Variants in ITGB6 observed in about 807,000 individuals in gnomAD.
ITGB6 encodes integrin beta-6.
ITGB6 carries 80 observed loss-of-function variants against 84.5 expected under a neutral mutation model. That is an observed-to-expected ratio of 0.95 (90% confidence interval 0.79 to 1.14). ITGB6 has a LOEUF of 1.14. Ranked by LOEUF, ITGB6 falls within the 50% of genes most tolerant of loss-of-function variation. ITGB6 has a pLI of 0.00. For synonymous variants in ITGB6, 383 were observed against 354.9 expected, an observed-to-expected ratio of 1.08 and a Z score of -0.89; for missense variants, 1,006 against 968.0, an observed-to-expected ratio of 1.04 and a Z score of -0.52.
intron 12 of ITGB6, among the ~76,000 whole-genome samples, chr2:160,118,770 C>T (rs979501261): frequency 2.6e-5 from 4 of 151,048 alleles, no homozygotes; most frequent in Admixed American, 6.6e-5. Context: ...AAAACCCCAT[C>T]ATCTCAGCCC....
chr2:160,135,255 C>G (rs192930619), intron 10 of ITGB6, among the ~76,000 whole-genome samples: 1 of 152,238 alleles, frequency 6.6e-6, no homozygotes, highest in East Asian at 1.9e-4. Flanking sequence ...TTCTTATACA[C>G]TAATAACAGA....
At chr2:160,132,181 T>C (rs1683495760) in intron 10 of ITGB6, among the ~76,000 whole-genome samples, 2 of 152,154 alleles carry the variant, frequency 1.3e-5, no homozygotes, top group Non-Finnish European at 2.9e-5. Flanking sequence ...TCTTGTCACC[T>C]TCAGATTGTG....
At chr2:160,141,055 G>A (rs61253956) in intron 8 of ITGB6, among the ~76,000 whole-genome samples, 11,283 of 152,092 alleles carry the variant, frequency 0.074, 1,307 homozygotes, top group African/African-American at 0.25. Flanking sequence ...AAATGTTGGC[G>A]TATATTACAG....
intron 7 of ITGB6, among the ~76,000 whole-genome samples, chr2:160,163,083 A>C (rs562579162): frequency 6.8e-4 from 103 of 152,296 alleles, no homozygotes; most frequent in African/African-American, 2.4e-3. Context: ...GACCCAATGC[A>C]TAGTGTTCCC....
chr2:160,182,223 T>C (rs1029994438), intron 4 of ITGB6, among the ~76,000 whole-genome samples: 1 of 152,008 alleles, frequency 6.6e-6, no homozygotes, highest in Non-Finnish European at 1.5e-5. Context: ...TCTAACCCAA[T>C]GCAAGGAAGC....
intron 13 of ITGB6, among the ~76,000 whole-genome samples, chr2:160,111,723 G>A (rs575970512): frequency 6.6e-6 from 1 of 151,456 alleles, no homozygotes; most frequent in African/African-American, 2.4e-5. Context: ...GGGATTATAG[G>A]TGCAGGCCAC....
chr2:160,110,895 G>A (rs1280022255), intron 13 of ITGB6, among the ~76,000 whole-genome samples: 1 of 152,186 alleles, frequency 6.6e-6, no homozygotes, highest in Non-Finnish European at 1.5e-5. Flanking sequence ...ATTTGTTGAG[G>A]AAGAGGGAGC....
At position 160,137,967 on chromosome 2, in the gene ITGB6, C is replaced by G. The variant is rs148030665; in HGVS notation, c.1242+98G>C. 5.7e-3 allele frequency: 8,700 copies of G among 1,529,764 alleles called. 35 individuals carry two copies. The highest frequency in any genetic ancestry group is 7.0e-3 in the Non-Finnish European group (7,966 of 1,135,970). The allele number at this position is 1,529,764 out of a possible 1,614,324, so 94.8% of individuals were successfully genotyped here. A position where few individuals can be genotyped will look rare whatever the true frequency, so the allele number is the denominator to read the frequency against. ...TTTACTAGAAAATCTTTGAAAATTG[C>G]TTTTAAAATTCTTGAAAGAAATCCA... On this transcript the variant is annotated intron_variant, in intron 9 of 14. Transcript: ENST00000283249.
chr2:160,186,070 T>G (rs780003641), intron 4 of ITGB6, among the ~76,000 whole-genome samples: 9 of 152,072 alleles, frequency 5.9e-5, no homozygotes, highest in Admixed American at 6.6e-5. Flanking sequence ...GGCAAAGACT[T>G]CATGATTAAA....
chr2:160,136,209 A>T (rs1449115201), intron 10 of ITGB6, among the ~76,000 whole-genome samples: 1 of 152,206 alleles, frequency 6.6e-6, no homozygotes, highest in Non-Finnish European at 1.5e-5. Flanking sequence ...AATTTACAAG[A>T]AAAAAACAAC....
At chr2:160,170,405 A>G (rs1437108886) in intron 6 of ITGB6, among the ~76,000 whole-genome samples, 2 of 152,222 alleles carry the variant, frequency 1.3e-5, no homozygotes, top group Non-Finnish European at 2.9e-5. Context: ...TAATAGAGAT[A>G]CCAAATATTA....
At chr2:160,195,199 G>T (rs1686284534) in intron 4 of ITGB6, among the ~76,000 whole-genome samples, 170 bp downstream of exon 4, 1 of 152,208 alleles carries the variant, frequency 6.6e-6, no homozygotes, top group Admixed American at 6.5e-5. Context: ...TAGTTCAGAT[G>T]ACCTCACCTC....
At chr2:160,194,038 T>C (rs2105896174) in intron 4 of ITGB6, among the ~76,000 whole-genome samples, 1 of 152,222 alleles carries the variant, frequency 6.6e-6, no homozygotes, top group East Asian at 1.9e-4. Context: ...GTGCCTGTAA[T>C]CTCAGCTACT....
At chr2:160,114,913 C>G (rs1225769755) in intron 12 of ITGB6, among the ~76,000 whole-genome samples, 2 of 151,988 alleles carry the variant, frequency 1.3e-5, no homozygotes, top group Non-Finnish European at 2.9e-5. Flanking sequence ...AGCACAGCCG[C>G]CTTGTACACT....
intron 12 of ITGB6, among the ~76,000 whole-genome samples, chr2:160,115,992 C>T (rs1263761001): frequency 2.9e-4 from 42 of 146,380 alleles, no homozygotes; most frequent in Non-Finnish European, 3.6e-4. Flanking sequence ...AACAAAGCCT[C>T]CAAGAAATAT....
Position 160,200,082 on chromosome 2 carries a change from T to C in ITGB6, c.-19A>G. 2 of 1,608,894 alleles carry C rather than the reference T, an allele frequency of 1.2e-6. No homozygotes were observed. Among genetic ancestry groups the C allele is most frequent in the Non-Finnish European group, 1.7e-6 (2 of 1,176,560 alleles). On this transcript the variant is annotated 5_prime_UTR_variant, in exon 1 of 15. Transcript: ENST00000283249. ...TCCCCATTCGTTTCAGTTCTTGCTG[T>C]GCAGACCGATTAAAAAATGAATTAC...
chr2:160,141,854 T>C lies in ITGB6; in HGVS notation c.1107+128A>G, dbSNP rs548849966. On this transcript the variant is annotated intron_variant, in intron 8 of 14. Coordinates refer to ENST00000283249, the MANE Select transcript of ITGB6 (RefSeq NM_000888.5). ...AAAATTTATATTTTGGCTGCATTCA[T>C]GCAGAGACTTTTTTTGGATAAGCAC... 6.6e-6 allele frequency: 4 copies of C among 605,572 alleles called. No homozygotes were observed. The African/African-American group carries it at 7.8e-5, about 12-fold the overall frequency. 37.5% of individuals were successfully genotyped at this position (605,572 alleles called of 1,614,324 possible).
intron 4 of ITGB6, among the ~76,000 whole-genome samples, chr2:160,176,740 GAAT>G (rs372460830): frequency 3.9e-5 from 6 of 152,158 alleles, no homozygotes; most frequent in African/African-American, 1.4e-4. Flanking sequence ...GGTATCTCTA[GAAT>G]AATGTTTTTT....
At chr2:160,109,977 G>A (rs971655358) in intron 13 of ITGB6, among the ~76,000 whole-genome samples, 10 of 152,122 alleles carry the variant, frequency 6.6e-5, no homozygotes, top group East Asian at 1.9e-4. Context: ...GGATAACATC[G>A]TAAATAAAAT....
Sources: gnomAD v4.1 joint callset for allele counts (sites outside exome capture counted in the v4.1 genomes callset) on GRCh38, gnomAD v4.1.1 for gene constraint, MANE v1.5 for transcripts, NCBI Gene and HGNC (gene_info 2026-07-23, HGNC 2026-07-21) for gene names.